CNPY1: variants seen among roughly 807,000 people sequenced by gnomAD.
CNPY1 encodes canopy FGF signaling regulator 1.
CNPY1 carries 14 observed loss-of-function variants against 14.4 expected under a neutral mutation model. The ratio of observed to expected loss-of-function variants is 0.97; its 90% CI spans 0.64 to 1.52. The LOEUF (loss-of-function observed/expected upper bound fraction) is 1.52, where lower values mean the gene tolerates loss of function less well. Among genes scored for constraint, CNPY1 ranks in the 40% most tolerant of loss-of-function variants. The pLI is 0.00. For missense variants in CNPY1, 129 were observed against 131.5 expected (o/e 0.98, Z 0.09); for synonymous variants, 43 against 46.5 (o/e 0.92, Z 0.31).
chr7:155,541,225 C>A (rs994160746), intron 2 of CNPY1, among the ~76,000 whole-genome samples: 1 of 152,216 alleles, frequency 6.6e-6, no homozygotes. Context: ...AAGACAGAGA[C>A]CTCCGCGAGC....
chr7:155,520,442 T>C (rs895813271), intron 2 of CNPY1, among the ~76,000 whole-genome samples: 1 of 139,490 alleles, frequency 7.2e-6, no homozygotes, highest in African/African-American at 2.7e-5. Flanking sequence ...TTTTTTTTTT[T>C]TTTTTTTTTT....
chr7:155,538,525 G>T (rs1013472973), intron 2 of CNPY1, among the ~76,000 whole-genome samples: 1 of 151,736 alleles, frequency 6.6e-6, no homozygotes, highest in East Asian at 1.9e-4. Context: ...CCCTCCTCAC[G>T]TGCCCAGGAC....
At chr7:155,504,343 A>G (rs1323186392) in intron 4 of CNPY1, among the ~76,000 whole-genome samples, 1 of 152,020 alleles carries the variant, frequency 6.6e-6, no homozygotes, top group Non-Finnish European at 1.5e-5. Context: ...TGACATATAT[A>G]TTTTCTCCAT....
chr7:155,511,701 A>T (rs1472999858), intron 2 of CNPY1, among the ~76,000 whole-genome samples: 1 of 152,202 alleles, frequency 6.6e-6, no homozygotes, highest in Non-Finnish European at 1.5e-5. Context: ...AAAGTAGAAA[A>T]TGTTTGCTGG....
rs35711313 is a variant in CNPY1 at position 155,507,471 on chromosome 7, T to TAAAAAAAAAAAAAAAA, written c.304-371_304-356dup. ...CTGAAAAGTCCAACGGTTTTTAAAC[T>TAAAAAAAAAAAAAAAA]AAAAAAAAAAAAAAAAAAAAAAAAA... On this transcript the variant is annotated intron_variant, in intron 3 of 4. Transcript: ENST00000636446. Among the ~76,000 whole-genome samples the TAAAAAAAAAAAAAAAA allele has an allele frequency of 3.1e-3, 170 of 54,142 alleles. 24 individuals carry two copies. Among genetic ancestry groups the TAAAAAAAAAAAAAAAA allele is most frequent in the African/African-American group, 0.016 (164 of 10,106 alleles). 35.5% of individuals were successfully genotyped at this position (54,142 alleles called of 152,430 possible).
intron 2 of CNPY1, among the ~76,000 whole-genome samples, chr7:155,524,577 G>A (rs1194881688): frequency 2.6e-5 from 4 of 152,176 alleles, no homozygotes; most frequent in African/African-American, 9.7e-5. Flanking sequence ...GGCTCCCTAT[G>A]AGAATCTAAT....
intron 2 of CNPY1, among the ~76,000 whole-genome samples, chr7:155,528,978 G>A (rs1472389374): frequency 2.6e-5 from 4 of 151,798 alleles, no homozygotes; most frequent in African/African-American, 7.3e-5. Context: ...GGAGAATGGC[G>A]TGAACCCAGA....
intron 2 of CNPY1, among the ~76,000 whole-genome samples, chr7:155,540,306 G>A (rs555211673): frequency 3.3e-5 from 5 of 152,316 alleles, no homozygotes; most frequent in African/African-American, 7.2e-5. Flanking sequence ...CCAAAGCACC[G>A]TGCACTGGGG....
chr7:155,516,957 C>A (rs182619405), intron 2 of CNPY1, among the ~76,000 whole-genome samples: 66 of 152,278 alleles, frequency 4.3e-4, no homozygotes, highest in Admixed American at 4.3e-3. Flanking sequence ...TCTCCGCCAC[C>A]CTGGCCTTTA....
chr7:155,528,636 G>A (rs988108110), intron 2 of CNPY1, among the ~76,000 whole-genome samples: 1 of 152,258 alleles, frequency 6.6e-6, no homozygotes, highest in African/African-American at 2.4e-5. Flanking sequence ...GCCAGCTGAA[G>A]AACAGGACAC....
intron 1 of CNPY1, among the ~76,000 whole-genome samples, 190 bp from the exon 2 acceptor site, chr7:155,546,133 C>T (rs932985808): frequency 2.0e-5 from 3 of 152,114 alleles, no homozygotes; most frequent in African/African-American, 7.2e-5. Flanking sequence ...TTTTTATGTT[C>T]CCTTTTGTAC....
chr7:155,508,298 A>G (rs183605012), intron 3 of CNPY1, among the ~76,000 whole-genome samples: 1 of 152,368 alleles, frequency 6.6e-6, no homozygotes, highest in East Asian at 1.9e-4. Flanking sequence ...CAGGCTAACT[A>G]TCATACCTAA....
intron 2 of CNPY1, among the ~76,000 whole-genome samples, chr7:155,543,901 G>A (rs139967676): frequency 2.0e-5 from 3 of 152,314 alleles, no homozygotes; most frequent in Non-Finnish European, 2.9e-5. Context: ...GAATGTAGCC[G>A]TCTAGCTGCT....
At position 155,544,916 on chromosome 7, in the gene CNPY1, C is replaced by T. The variant is rs537093767; in HGVS notation, c.99+915G>A. On this transcript the variant is annotated intron_variant, in intron 2 of 4. Coordinates refer to ENST00000636446, the MANE Select transcript of CNPY1 (RefSeq NM_001393663.1). Reference sequence around the variant, plus strand: ...ATTCCTCCCTCATTCATAACTGAGGCGCATTAGAAGCCTGAGGTACTTTCT... The same window carrying T: ...ATTCCTCCCTCATTCATAACTGAGGTGCATTAGAAGCCTGAGGTACTTTCT... Among the ~76,000 whole-genome samples the T allele has an allele frequency of 5.3e-5, 8 of 152,292 alleles. No homozygotes were observed. The East Asian group carries it at 7.7e-4, about 15-fold the overall frequency.
chr7:155,529,742 A>G (rs753079251), intron 2 of CNPY1, among the ~76,000 whole-genome samples: 1 of 150,418 alleles, frequency 6.6e-6, no homozygotes, highest in African/African-American at 2.4e-5. Context: ...CAAAGGTTCT[A>G]TTTACAAATA....
At chr7:155,503,192 C>A in intron 4 of CNPY1, 87 bp from the exon 5 acceptor site, 1 of 1,034,534 alleles carries the variant, frequency 9.7e-7, no homozygotes, top group South Asian at 1.5e-5. Flanking sequence ...AAACTATGTT[C>A]TGGTAGAAGC....
At chr7:155,522,252 C>T (rs1171040513) in intron 2 of CNPY1, among the ~76,000 whole-genome samples, 1 of 152,224 alleles carries the variant, frequency 6.6e-6, no homozygotes, top group Non-Finnish European at 1.5e-5. Context: ...GGGTGGGTAT[C>T]GCTACCGCAT....
intron 2 of CNPY1, among the ~76,000 whole-genome samples, chr7:155,514,223 A>G (rs1233085757): frequency 6.6e-6 from 1 of 152,266 alleles, no homozygotes; most frequent in Non-Finnish European, 1.5e-5. Flanking sequence ...AGACAAATAC[A>G]CTTCTCTAAT....
intron 2 of CNPY1, among the ~76,000 whole-genome samples, chr7:155,543,228 A>G (rs1177143192): frequency 1.3e-5 from 2 of 152,196 alleles, no homozygotes; most frequent in Admixed American, 1.3e-4. Flanking sequence ...TCTGGCTTCA[A>G]GACTCCTCCA....
Sources: allele counts gnomAD v4.1 joint callset (sites outside exome capture counted in the v4.1 genomes callset), GRCh38; gene constraint gnomAD v4.1.1; transcripts MANE v1.5; gene names NCBI Gene and HGNC (gene_info 2026-07-23, HGNC 2026-07-21).